EIF2AK3: variants seen among roughly 807,000 people sequenced by gnomAD.
EIF2AK3 encodes the protein eukaryotic translation initiation factor 2-alpha kinase 3.
A neutral mutation model predicts 113.5 loss-of-function variants in EIF2AK3; 50 were observed. The observed-to-expected ratio is 0.44, with a 90% CI of 0.35 to 0.56. The LOEUF (loss-of-function observed/expected upper bound fraction) is 0.56, where lower values mean the gene tolerates loss of function less well. Ranked by LOEUF, EIF2AK3 falls within the 20% of genes least tolerant of loss-of-function variation. The probability of loss-of-function intolerance (pLI) is 0.00; values close to 1 mark genes in which losing one functional copy is unlikely to be tolerated. For synonymous variants in EIF2AK3, 448 were observed against 495.4 expected, an observed-to-expected ratio of 0.90 and a Z score of 1.27; for missense variants, 1,185 against 1,378.0, an observed-to-expected ratio of 0.86 and a Z score of 2.22.
Position 88,557,793 on chromosome 2 carries a change from C to G in EIF2AK3, c.3294G>C (p.Ser1098=), listed in dbSNP as rs572234262. 2 of 1,613,964 alleles carry G rather than the reference C, an allele frequency of 1.2e-6. No individual in the cohort carries two copies. The highest frequency in any genetic ancestry group is 2.7e-5 in the African/African-American group (2 of 74,906). Reference sequence around the variant, plus strand: ...TGGACTGTCTTGAATGTTTTGTTCCCGATGAACTCAAGGAGCGAGACCTCT... The same window carrying G: ...TGGACTGTCTTGAATGTTTTGTTCCGGATGAACTCAAGGAGCGAGACCTCT... The part of the protein sequence containing the change: ...LRQRSRSLSS[S]GTKHSRQSNN... Residue 1098 remains serine (S), a synonymous_variant, in exon 17 of 17, where the codon TCG becomes TCC. Coordinates refer to ENST00000303236, the MANE Select transcript of EIF2AK3 (RefSeq NM_004836.7).
intron 2 of EIF2AK3, among the ~76,000 whole-genome samples, chr2:88,610,590 G>A (rs367987931): frequency 6.6e-6 from 1 of 152,074 alleles, no homozygotes; most frequent in Non-Finnish European, 1.5e-5. Context: ...AGGCAGACGC[G>A]GATACAACTG....
At chr2:88,585,323 A>G (rs1573401144) in intron 9 of EIF2AK3, among the ~76,000 whole-genome samples, 1 of 151,270 alleles carries the variant, frequency 6.6e-6, no homozygotes, top group Non-Finnish European at 1.5e-5. Context: ...TGGGGAGGGG[A>G]GGGGAATGGG....
chr2:88,560,586 T>C (rs1304618830), intron 15 of EIF2AK3, among the ~76,000 whole-genome samples: 7 of 152,212 alleles, frequency 4.6e-5, no homozygotes, highest in African/African-American at 1.4e-4. Flanking sequence ...ACCTTGTCTT[T>C]TCACTTTCTT....
chr2:88,568,750 T>C (rs1674209293), intron 14 of EIF2AK3, among the ~76,000 whole-genome samples: 1 of 152,244 alleles, frequency 6.6e-6, no homozygotes, highest in Non-Finnish European at 1.5e-5. Context: ...GATGTAAGCA[T>C]AGATTAGCTT....
At chr2:88,605,319 A>C (rs149695568) in intron 2 of EIF2AK3, among the ~76,000 whole-genome samples, 228 of 152,336 alleles carry the variant, frequency 1.5e-3, no homozygotes, top group African/African-American at 5.3e-3. Flanking sequence ...TGAATACAAA[A>C]TTTCAAAAAT....
intron 9 of EIF2AK3, among the ~76,000 whole-genome samples, chr2:88,584,746 A>T (rs1317041815): frequency 6.6e-6 from 1 of 152,002 alleles, no homozygotes; most frequent in African/African-American, 2.4e-5. Flanking sequence ...TAATTATTTG[A>T]GAGGGAAGGG....
chr2:88,625,401 A>C (rs1016031329), intron 1 of EIF2AK3, among the ~76,000 whole-genome samples: 28 of 152,032 alleles, frequency 1.8e-4, no homozygotes, highest in Admixed American at 1.8e-3. Context: ...CCTCAAGTCC[A>C]GTGACTTTCC....
intron 2 of EIF2AK3, among the ~76,000 whole-genome samples, chr2:88,596,712 G>C (rs984591881): frequency 1.8e-4 from 27 of 152,304 alleles, no homozygotes; most frequent in Non-Finnish European, 1.6e-4. Context: ...TGGAGGCAGA[G>C]AGAGCAGGCA....
At chr2:88,621,597 G>T (rs1490128343) in intron 1 of EIF2AK3, among the ~76,000 whole-genome samples, 4 of 152,198 alleles carry the variant, frequency 2.6e-5, no homozygotes, top group Non-Finnish European at 5.9e-5. Flanking sequence ...GGAGGCATAT[G>T]TTCTTGTTTA....
chr2:88,602,027 A>G (rs1675165052), intron 2 of EIF2AK3, among the ~76,000 whole-genome samples: 1 of 150,974 alleles, frequency 6.6e-6, no homozygotes, highest in South Asian at 2.1e-4. Context: ...AATTTTTTGT[A>G]TTTTTAGTAG....
At chr2:88,609,945 C>CAAAAA (rs71378880) in intron 2 of EIF2AK3, among the ~76,000 whole-genome samples, 5 of 38,818 alleles carry the variant, frequency 1.3e-4, no homozygotes, top group African/African-American at 2.9e-4. Context: ...TCCATCTCTA[C>CAAAAA]AAAAAAAAAA....
chr2:88,608,670 C>A (rs1017266076), intron 2 of EIF2AK3, among the ~76,000 whole-genome samples: 1 of 146,944 alleles, frequency 6.8e-6, no homozygotes, highest in African/African-American at 2.5e-5. Flanking sequence ...GCATCCAGTT[C>A]ACAGCATTTC....
chr2:88,559,489 C>A (rs779893639), intron 15 of EIF2AK3, among the ~76,000 whole-genome samples: 2 of 149,510 alleles, frequency 1.3e-5, no homozygotes, highest in Non-Finnish European at 3.0e-5. Flanking sequence ...TGGAACCAAT[C>A]CCCTGTGGAT....
chr2:88,589,014 T>G (rs1674814201), intron 6 of EIF2AK3, 113 bp from the exon 7 acceptor site: 2 of 1,268,510 alleles, frequency 1.6e-6, no homozygotes, highest in Admixed American at 4.0e-5. Flanking sequence ...AAAACTCTTG[T>G]CAAAGAAGAA....
chr2:88,615,993 C>T (rs1218178524), intron 1 of EIF2AK3, among the ~76,000 whole-genome samples: 4 of 152,104 alleles, frequency 2.6e-5, no homozygotes, highest in African/African-American at 9.7e-5. Context: ...CCATGAAACA[C>T]ACTCTATATG....
intron 2 of EIF2AK3, among the ~76,000 whole-genome samples, chr2:88,611,872 C>T (rs1335268169): frequency 6.6e-6 from 1 of 152,180 alleles, no homozygotes; most frequent in Non-Finnish European, 1.5e-5. Context: ...ATCCGCCCGC[C>T]TCAGCCTCCC....
intron 1 of EIF2AK3, among the ~76,000 whole-genome samples, chr2:88,619,961 A>AG (rs1675678637): frequency 6.6e-6 from 1 of 151,926 alleles, no homozygotes; most frequent in Non-Finnish European, 1.5e-5. Flanking sequence ...GTCTCAAAAA[A>AG]AAAAAAAAAA....
At position 88,574,748 on chromosome 2, in the gene EIF2AK3, C is replaced by T. The variant is rs1355808997; in HGVS notation, c.2735G>A (p.Ser912Asn). The change falls in exon 13 of 17, where the codon AGC becomes AAC. Residue 912 changes from serine (S) to asparagine (N), a missense_variant. By Grantham distance (46) the Ser-to-Asn change is conservative (BLOSUM62 1). Transcript: ENST00000303236. ...CTGCAGGAAGATGTGCAGACACACG[C>T]TCCTCTCTCTCTCCTCTATGGTACA... ...GRCTIEERER[S>N]VCLHIFLQIA... 1.2e-6 allele frequency: 2 copies of T among 1,614,216 alleles called. No individual in the cohort carries two copies. The highest frequency in any genetic ancestry group is 1.7e-4 in the Middle Eastern group (1 of 6,060).
At chr2:88,619,974 AAT>A (rs1302246629) in intron 1 of EIF2AK3, among the ~76,000 whole-genome samples, 3 of 149,046 alleles carry the variant, frequency 2.0e-5, no homozygotes, top group African/African-American at 7.3e-5. Flanking sequence ...AAAAAAAAAA[AAT>A]CTTTGCCTTC....
Sources: gnomAD v4.1 joint callset for allele counts (sites outside exome capture counted in the v4.1 genomes callset) on GRCh38, gnomAD v4.1.1 for gene constraint, MANE v1.5 for transcripts, NCBI Gene and HGNC (gene_info 2026-07-23, HGNC 2026-07-21) for gene names.